The following INSC variants were observed in gnomAD, a reference collection of about 807,000 sequenced individuals.
The protein encoded by INSC is INSC spindle orientation adaptor protein.
INSC carries 67 observed loss-of-function variants against 58.6 expected under a neutral mutation model. The ratio of observed to expected loss-of-function variants is 1.14; its 90% CI spans 0.94 to 1.40. The LOEUF (loss-of-function observed/expected upper bound fraction) is 1.40. Ranked by LOEUF, INSC falls within the 40% of genes most tolerant of loss-of-function variation. INSC has a pLI of 0.00. For missense variants in INSC, 714 were observed against 692.0 expected, an observed-to-expected ratio of 1.03 and a Z score of -0.36; for synonymous variants, 262 against 276.1, an observed-to-expected ratio of 0.95 and a Z score of 0.51.
downstream of INSC, among the ~76,000 whole-genome samples, chr11:15,251,274 C>A (rs527964021): frequency 6.6e-6 from 1 of 152,288 alleles, no homozygotes; most frequent in South Asian, 2.1e-4. Context: ...CATGATAGAC[C>A]TAAGTATAAG....
rs551628438 is a variant in INSC at position 15,231,601 on chromosome 11, G to A, written c.1171-4001G>A. On this transcript the variant is annotated intron_variant, in intron 9 of 12. Transcript: ENST00000379556. The stretch of plus-strand genomic sequence containing the variant: ...TTGCTGCAAATTTCAGAGTTAACAC[G>A]GTGATAATAGAAATCTAAATATTCA... Among the ~76,000 whole-genome samples, 5 of 152,286 alleles carry A rather than the reference G, an allele frequency of 3.3e-5. No individual in the cohort carries two copies. In the South Asian group the frequency reaches 1.0e-3, roughly 32 times the overall value.
intron 7 of INSC, among the ~76,000 whole-genome samples, chr11:15,216,517 T>G (rs1046695012): frequency 2.0e-5 from 3 of 152,206 alleles, no homozygotes. Flanking sequence ...CCTATCACAA[T>G]GTAGGTGCTC....
At chr11:15,216,279 C>T (rs962995102) in intron 7 of INSC, among the ~76,000 whole-genome samples, 3 of 152,276 alleles carry the variant, frequency 2.0e-5, no homozygotes, top group Admixed American at 2.0e-4. Context: ...GAACTGAATT[C>T]TCAGGAGCAG....
At chr11:15,239,104 G>C in intron 11 of INSC, 30 bp downstream of exon 11, 1 of 1,595,830 alleles carries the variant, frequency 6.3e-7, no homozygotes, top group Non-Finnish European at 8.5e-7. Context: ...TGTGGCTGGA[G>C]TGGAGTGGGG....
intron 2 of INSC, among the ~76,000 whole-genome samples, chr11:15,158,718 G>T (rs140495155): frequency 0.011 from 1,634 of 152,162 alleles, 96 homozygotes; most frequent in East Asian, 0.01. Flanking sequence ...GTAAACGGGG[G>T]TAATAATACT....
chr11:15,115,194 A>C (rs2133668540), intron 1 of INSC, among the ~76,000 whole-genome samples, 191 bp downstream of exon 1: 1 of 152,270 alleles, frequency 6.6e-6, no homozygotes, highest in East Asian at 1.9e-4. Context: ...GGAATTTTCT[A>C]GCATGTGCCC....
chr11:15,203,392 C>T (rs1850673103), intron 7 of INSC, among the ~76,000 whole-genome samples: 1 of 152,172 alleles, frequency 6.6e-6, no homozygotes, highest in African/African-American at 2.4e-5. Flanking sequence ...GAAATATTTC[C>T]TCTGTGCCAG....
At chr11:15,260,057 A>C in the INSC span, among the ~76,000 whole-genome samples, 3 of 152,206 alleles carry the variant, frequency 2.0e-5, no homozygotes, top group African/African-American at 7.2e-5. Context: ...TTTATATCCA[A>C]GGTAGGCATG....
intron 6 of INSC, among the ~76,000 whole-genome samples, chr11:15,196,248 G>A (rs922679640): frequency 1.3e-5 from 2 of 152,246 alleles, no homozygotes; most frequent in Non-Finnish European, 2.9e-5. Flanking sequence ...TCCTATGTGT[G>A]CAGGCCCTGT....
chr11:15,196,667 T>C (rs1430635924), intron 6 of INSC, among the ~76,000 whole-genome samples: 2 of 152,192 alleles, frequency 1.3e-5, no homozygotes, highest in Non-Finnish European at 2.9e-5. Context: ...CTGATGATCA[T>C]GGTTGTGATG....
chr11:15,149,324 A>G (rs1848578016), intron 2 of INSC, 94 bp downstream of exon 2: 2 of 1,252,722 alleles, frequency 1.6e-6, no homozygotes, highest in Non-Finnish European at 2.1e-6. Context: ...AGGTGACCCC[A>G]TCTTCCCACG....
intron 12 of INSC, among the ~76,000 whole-genome samples, chr11:15,245,092 G>A (rs1945622): frequency 0.067 from 10,228 of 152,170 alleles, 441 homozygotes; most frequent in African/African-American, 0.11. Flanking sequence ...CCTTACTCTC[G>A]AGGAGCTCAG....
intron 7 of INSC, among the ~76,000 whole-genome samples, chr11:15,202,516 G>A (rs1187291822): frequency 1.3e-5 from 2 of 152,116 alleles, no homozygotes; most frequent in African/African-American, 4.8e-5. Flanking sequence ...GACAGACAGT[G>A]GACTTGATAA....
chr11:15,161,299 A>G lies in INSC; in HGVS notation c.56+12069A>G, dbSNP rs571702371. Among the ~76,000 whole-genome samples the G allele has an allele frequency of 6.6e-5, 10 of 152,362 alleles. No individual in the cohort carries two copies. The South Asian group carries it at 1.0e-3, about 16-fold the overall frequency. On this transcript the variant is annotated intron_variant, in intron 2 of 12. Transcript: ENST00000379556. ...ATACCATAGGATTTACTCTCTTACT[A>G]TATTATACTGAACAGTTTGATTAAC...
chr11:15,192,580 CAA>C (rs950000616), intron 6 of INSC, among the ~76,000 whole-genome samples: 10 of 152,148 alleles, frequency 6.6e-5, no homozygotes, highest in African/African-American at 2.4e-4. Context: ...AGTGGGTACT[CAA>C]AGAGTTTGTT....
At chr11:15,235,526 G>T (rs1204497116) in intron 9 of INSC, 76 bp from the exon 10 acceptor site, 1 of 1,125,820 alleles carries the variant, frequency 8.9e-7, no homozygotes, top group African/African-American at 1.5e-5. Flanking sequence ...TGTAGCCCCT[G>T]GCTGACCTGT....
chr11:15,119,211 G>A (rs1177355930), intron 1 of INSC, among the ~76,000 whole-genome samples: 1 of 152,234 alleles, frequency 6.6e-6, no homozygotes, highest in Non-Finnish European at 1.5e-5. Flanking sequence ...AGCCTCAGCT[G>A]GAGACTGTTG....
chr11:15,223,373 T>C (rs1220132727), intron 8 of INSC, among the ~76,000 whole-genome samples: 1 of 152,206 alleles, frequency 6.6e-6, no homozygotes, highest in Non-Finnish European at 1.5e-5. Flanking sequence ...CATTGTATAG[T>C]CCACTCTGAG....
At position 15,225,708 on chromosome 11, in the gene INSC, C is replaced by T. The variant is rs1851608075; in HGVS notation, c.1050C>T (p.Ala350=). The T allele has an allele frequency of 6.2e-7, 1 of 1,614,048 alleles. No homozygotes were observed. Among genetic ancestry groups the T allele is most frequent in the African/African-American group, 1.3e-5 (1 of 74,934 alleles). ...TCCTACTGGCCTCTGCGGCCCTTGCCAACATCACGTTCTTTGACACAATGG... is the reference window on the plus strand; with the variant it reads ...TCCTACTGGCCTCTGCGGCCCTTGCTAACATCACGTTCTTTGACACAATGG... ...EVFLLASAAL[A]NITFFDTMAC... The change falls in exon 9 of 13, where the codon GCC becomes GCT. Residue 350 remains alanine (A), a synonymous_variant. Coordinates refer to ENST00000379556, the MANE Select transcript of INSC (RefSeq NM_001042536.3).
Sources: gnomAD v4.1 joint callset for allele counts (sites outside exome capture counted in the v4.1 genomes callset) on GRCh38, gnomAD v4.1.1 for gene constraint, MANE v1.5 for transcripts, NCBI Gene and HGNC (gene_info 2026-07-23, HGNC 2026-07-21) for gene names.